Variants in NLRP14 observed in about 807,000 individuals in gnomAD.
NLRP14 encodes NLR family pyrin domain containing 14.
NLRP14 carries 105 observed loss-of-function variants against 94.7 expected under a neutral mutation model. The ratio of observed to expected loss-of-function variants is 1.11; its 90% CI spans 0.95 to 1.30. The LOEUF (loss-of-function observed/expected upper bound fraction) is 1.30, where lower values mean the gene tolerates loss of function less well. Among genes scored for constraint, NLRP14 ranks in the 50% most tolerant of loss-of-function variants. The pLI, the probability that NLRP14 is intolerant of heterozygous loss-of-function variation, is 0.00. For synonymous variants in NLRP14, 508 were observed against 459.9 expected (o/e 1.10, Z -1.34); for missense variants, 1,362 against 1,254.1 (o/e 1.09, Z -1.30).
intron 1 of NLRP14, among the ~76,000 whole-genome samples, chr11:7,022,305 GAT>G (rs1851958574): frequency 6.6e-6 from 1 of 152,206 alleles, no homozygotes; most frequent in Non-Finnish European, 1.5e-5. Flanking sequence ...GATGCCTAGA[GAT>G]GTACCCAGGG....
intron 1 of NLRP14, among the ~76,000 whole-genome samples, chr11:7,022,473 A>G (rs907781360): frequency 4.2e-4 from 64 of 152,212 alleles, no homozygotes; most frequent in African/African-American, 1.5e-3. Flanking sequence ...TTAATGTCAC[A>G]TAACTAAGAA....
chr11:7,036,313 C>G (rs564738698), intron 1 of NLRP14, among the ~76,000 whole-genome samples: 1 of 152,234 alleles, frequency 6.6e-6, no homozygotes, highest in African/African-American at 2.4e-5. Context: ...AACAAAACAA[C>G]AAATTCCTTC....
chr11:7,028,994 CTTGTA>C (rs1249002237), intron 1 of NLRP14, among the ~76,000 whole-genome samples: 2 of 151,934 alleles, frequency 1.3e-5, no homozygotes, highest in African/African-American at 2.4e-5. Context: ...AATTTTGTTA[CTTGTA>C]TTTGTGTGTG....
At chr11:7,090,080 C>T in the NLRP14 span, 1 of 1,611,054 alleles carries the variant, frequency 6.2e-7, no homozygotes, top group South Asian at 1.1e-5. Context: ...ATGCCTACAG[C>T]GGCGGCCGCG....
At chr11:7,080,881 C>T in the NLRP14 span, among the ~76,000 whole-genome samples, 1 of 152,118 alleles carries the variant, frequency 6.6e-6, no homozygotes, top group South Asian at 2.1e-4. Context: ...CTCTTACAGA[C>T]TAAAAGTATA....
At chr11:7,062,717 A>T (rs1419602523) in intron 10 of NLRP14, among the ~76,000 whole-genome samples, 1 of 152,062 alleles carries the variant, frequency 6.6e-6, no homozygotes, top group Non-Finnish European at 1.5e-5. Flanking sequence ...TGTCCCCTTT[A>T]GTACCTTGGA....
chr11:7,040,139 T>G (rs951498148), intron 3 of NLRP14, among the ~76,000 whole-genome samples: 8 of 152,258 alleles, frequency 5.3e-5, no homozygotes, highest in Non-Finnish European at 1.2e-4. Context: ...GTAATTAAAT[T>G]CTAGGAGTGG....
chr11:7,046,203 A>T (rs1038465971), intron 4 of NLRP14, among the ~76,000 whole-genome samples: 2 of 152,154 alleles, frequency 1.3e-5, no homozygotes, highest in Non-Finnish European at 2.9e-5. Flanking sequence ...CAAGTTATAG[A>T]ACTTATGCAA....
the NLRP14 span, chr11:7,089,222 C>T: frequency 1.9e-6 from 3 of 1,613,208 alleles, no homozygotes; most frequent in South Asian, 1.1e-5. Flanking sequence ...ATGGCCGCAT[C>T]GTCGAGGTGC....
In NLRP14 at chr11:7,043,540, G is replaced by T. The variant is rs1481603915; in HGVS notation, c.1514G>T (p.Cys505Phe). 6.2e-7 allele frequency: 1 copy of T among 1,614,144 alleles called. No homozygotes were observed. ...KGSWEAGNPSCQPFEDLKSLL... is the reference protein window; with the variant it reads ...KGSWEAGNPSFQPFEDLKSLL... ...AGTTGGGAAGCTGGGAACCCTTCCT[G>T]CCAGCCTTTTGAAGATTTGAAGTCA... Residue 505 changes from cysteine to phenylalanine, a missense_variant, in exon 4 of 12, where the codon TGC becomes TTC. By Grantham distance (205) the Cys-to-Phe change is radical (BLOSUM62 -2). Coordinates refer to ENST00000299481, the MANE Select transcript of NLRP14 (RefSeq NM_176822.4).
At chr11:7,023,638 CT>C (rs546719795) in intron 1 of NLRP14, among the ~76,000 whole-genome samples, 13 of 151,238 alleles carry the variant, frequency 8.6e-5, no homozygotes, top group Non-Finnish European at 1.6e-4. Flanking sequence ...ATTAGGCCAT[CT>C]TGCATTGTAT....
the NLRP14 span, chr11:7,088,908 T>C: frequency 1.7e-6 from 1 of 602,994 alleles, no homozygotes; most frequent in Non-Finnish European, 2.9e-6. Context: ...CTGCCGACTT[T>C]CCCGACGGCG....
At chr11:7,089,427 G>A in the NLRP14 span, 2 of 1,551,336 alleles carry the variant, frequency 1.3e-6, no homozygotes, top group Non-Finnish European at 1.7e-6. Context: ...CCGCAGCCGC[G>A]GTCGCCCGAG....
At chr11:7,046,078 A>G (rs1479115798) in intron 4 of NLRP14, among the ~76,000 whole-genome samples, 3 of 152,160 alleles carry the variant, frequency 2.0e-5, no homozygotes, top group African/African-American at 7.2e-5. Flanking sequence ...TAATAATTAA[A>G]TTATAAAGTA....
At chr11:7,041,651 G>C (rs116880075) in intron 3 of NLRP14, among the ~76,000 whole-genome samples, 2 of 152,132 alleles carry the variant, frequency 1.3e-5, no homozygotes, top group African/African-American at 4.8e-5. Context: ...GAAGCCCCTA[G>C]CCAAGTGCAT....
chr11:7,083,056 C>T, the NLRP14 span, among the ~76,000 whole-genome samples: 6 of 152,296 alleles, frequency 3.9e-5, no homozygotes, highest in East Asian at 3.9e-4. Context: ...TGAAGTGGCA[C>T]GGGGAAGAAA....
At position 7,060,018 on chromosome 11, in the gene NLRP14, C is replaced by G. The variant is rs768513763; in HGVS notation, c.2758C>G (p.Leu920Val). The part of the protein sequence containing the change: ...NWLQDNGVKL[L>V]CDVFRHPSCN... ...GCTACAAGACAATGGAGTGAAGCTT[C>G]TGTGTGATGTCTTTCGGCATCCAAG... The change falls in exon 9 of 12, where the codon CTG becomes GTG. Residue 920 changes from leucine to valine, a missense_variant. Leu to Val is a conservative substitution (Grantham distance 32). Coordinates refer to ENST00000299481, the MANE Select transcript of NLRP14 (RefSeq NM_176822.4). 1.2e-6 allele frequency: 2 copies of G among 1,612,776 alleles called. No homozygotes were observed. The highest frequency in any genetic ancestry group is 1.1e-5 in the South Asian group (1 of 91,054).
chr11:7,028,546 T>G (rs1852046534), intron 1 of NLRP14, among the ~76,000 whole-genome samples: 1 of 152,144 alleles, frequency 6.6e-6, no homozygotes, highest in Admixed American at 6.6e-5. Flanking sequence ...ATAATAGCTA[T>G]TATTCACTTT....
downstream of NLRP14, among the ~76,000 whole-genome samples, chr11:7,074,527 A>G (rs1253205548): frequency 6.6e-6 from 1 of 152,254 alleles, no homozygotes; most frequent in Non-Finnish European, 1.5e-5. Flanking sequence ...AACAAAGGTA[A>G]ATGTTTCTTA....
Sources: gnomAD v4.1 joint callset for allele counts (sites outside exome capture counted in the v4.1 genomes callset) on GRCh38, gnomAD v4.1.1 for gene constraint, MANE v1.5 for transcripts, NCBI Gene and HGNC (gene_info 2026-07-23, HGNC 2026-07-21) for gene names.